EPHA3: variants seen among roughly 807,000 people sequenced by gnomAD.
EPHA3 encodes the protein EPH receptor A3, also known as ephrin type-A receptor 3.
EPHA3 carries 42 observed loss-of-function variants against 107.1 expected under a neutral mutation model. That is an observed-to-expected ratio of 0.39 (90% CI 0.31 to 0.51). The LOEUF is 0.51. Among genes scored for constraint, EPHA3 ranks in the 20% least tolerant of loss-of-function variants. The pLI, the probability that EPHA3 is intolerant of heterozygous loss-of-function variation, is 0.78. For missense variants in EPHA3, 1,183 were observed against 1,211.2 expected (o/e 0.98, Z 0.35); for synonymous variants, 461 against 424.8 (o/e 1.09, Z -1.05).
At position 89,265,341 on chromosome 3, in the gene EPHA3, C is replaced by T. The variant is rs116498711; in HGVS notation, c.814+54821C>T. 9.2e-3 allele frequency among the ~76,000 whole-genome samples: 1,405 copies of T among 152,208 alleles called. 24 individuals carry two copies. The highest frequency in any genetic ancestry group is 0.032 in the African/African-American group (1,344 of 41,536). On this transcript the variant is annotated intron_variant, in intron 3 of 16. Transcript: ENST00000336596. ...TTTGGGAAATGTCATATTCAATATCCTCCTTCAACAATTAATTTTCATGAA... is the reference window on the plus strand; with the variant it reads ...TTTGGGAAATGTCATATTCAATATCTTCCTTCAACAATTAATTTTCATGAA...
At chr3:89,211,190 A>G (rs978140699) in intron 3 of EPHA3, among the ~76,000 whole-genome samples, 2 of 152,124 alleles carry the variant, frequency 1.3e-5, no homozygotes, top group African/African-American at 4.8e-5. Flanking sequence ...CATATTTGAT[A>G]TTAATATAAT....
chr3:89,321,840 T>G (rs1016274668), intron 3 of EPHA3, among the ~76,000 whole-genome samples: 4 of 152,138 alleles, frequency 2.6e-5, no homozygotes, highest in African/African-American at 9.6e-5. Context: ...AGCATTAAGC[T>G]TCTTGATAAA....
In EPHA3 at chr3:89,379,924, T is replaced by C. The variant is rs141269829; in HGVS notation, c.1307-15913T>C. ...TTCTGTTATGGGAGGTCTGGGATTT[T>C]GCCCCCTTAAAGGAAGGGATCAACC... On this transcript the variant is annotated intron_variant, in intron 5 of 16. Coordinates refer to ENST00000336596, the MANE Select transcript of EPHA3 (RefSeq NM_005233.6). Among the ~76,000 whole-genome samples, 64 of 152,296 alleles carry C rather than the reference T, an allele frequency of 4.2e-4. 1 individual carries two copies. In the East Asian group the frequency reaches 0.012, roughly 28 times the overall value.
At position 89,450,220 on chromosome 3, in the gene EPHA3, T is replaced by G; in HGVS notation, c.2540T>G (p.Met847Arg). ...GAGGGCTATCGACTGCCACCCCCCA[T>G]GGACTGCCCAGCTGCCTTGTATCAG... ...VDEGYRLPPP[M>R]DCPAALYQLM... The change falls in exon 15 of 17, where the codon ATG becomes AGG. Residue 847 changes from methionine to arginine, a missense_variant. Transcript: ENST00000336596. The G allele has an allele frequency of 1.9e-6, 3 of 1,612,984 alleles. No individual in the cohort carries two copies. The highest frequency in any genetic ancestry group is 2.5e-6 in the Non-Finnish European group (3 of 1,179,506).
At chr3:89,475,969 G>C (rs1710496952) in intron 16 of EPHA3, among the ~76,000 whole-genome samples, 1 of 152,032 alleles carries the variant, frequency 6.6e-6, no homozygotes, top group South Asian at 2.1e-4. Context: ...CAAGAATAGA[G>C]AGACTAGAGG....
At chr3:89,338,771 T>A (rs1707451147) in intron 3 of EPHA3, among the ~76,000 whole-genome samples, 1 of 152,164 alleles carries the variant, frequency 6.6e-6, no homozygotes, top group African/African-American at 2.4e-5. Context: ...ATGGTCTCGA[T>A]CTCCTGACTT....
intron 3 of EPHA3, among the ~76,000 whole-genome samples, chr3:89,273,121 C>T (rs1294174475): frequency 1.3e-5 from 2 of 151,872 alleles, no homozygotes; most frequent in East Asian, 3.9e-4. Flanking sequence ...CGTTTGTATG[C>T]ATTGTGAGCC....
rs969866591 is a variant in EPHA3, at chr3:89,348,813, G to A, written c.1306+6723G>A. On this transcript the variant is annotated intron_variant, in intron 5 of 16. Coordinates refer to ENST00000336596, the MANE Select transcript of EPHA3 (RefSeq NM_005233.6). ...TGCATCCCAGAGATTCTGGTATGTCGTGTCTTTGTTCTTGTTGGTTTCAAA... is the reference window on the plus strand; with the variant it reads ...TGCATCCCAGAGATTCTGGTATGTCATGTCTTTGTTCTTGTTGGTTTCAAA... 6.4e-4 allele frequency among the ~76,000 whole-genome samples: 92 copies of A among 143,754 alleles called. 3 individuals carry two copies. Among genetic ancestry groups the A allele is most frequent in the African/African-American group, 1.9e-3 (70 of 37,308 alleles). The allele number at this position is 143,754 out of a possible 152,430, so 94.3% of individuals were successfully genotyped here. A position where few individuals can be genotyped will look rare whatever the true frequency, so the allele number is the denominator to read the frequency against.
intron 2 of EPHA3, among the ~76,000 whole-genome samples, chr3:89,158,902 G>GA (rs1202641330): frequency 6.6e-6 from 1 of 151,980 alleles, no homozygotes; most frequent in African/African-American, 2.4e-5. Context: ...TTTTGTTAAA[G>GA]AAAAAATTCC....
At chr3:89,363,191 T>C (rs1223716633) in intron 5 of EPHA3, among the ~76,000 whole-genome samples, 5 of 150,722 alleles carry the variant, frequency 3.3e-5, no homozygotes, top group African/African-American at 4.8e-5. Flanking sequence ...TATCTATCCA[T>C]TGAGAGAGAG....
chr3:89,352,902 C>CA (rs1215369952), intron 5 of EPHA3, among the ~76,000 whole-genome samples: 1,610 of 39,078 alleles, frequency 0.041, 36 homozygotes, highest in African/African-American at 0.054. Flanking sequence ...GACTCTGTCT[C>CA]AAAAAAAAAA....
At chr3:89,451,456 T>A (rs1222705272) in intron 15 of EPHA3, among the ~76,000 whole-genome samples, 1 of 152,210 alleles carries the variant, frequency 6.6e-6, no homozygotes, top group Non-Finnish European at 1.5e-5. Flanking sequence ...AAGGTTCTTT[T>A]ACATTTTGAT....
At chr3:89,210,570 T>A (rs749288779) in intron 3 of EPHA3, 50 bp downstream of exon 3, 42 of 1,490,908 alleles carry the variant, frequency 2.8e-5, no homozygotes, top group Non-Finnish European at 3.5e-5. Flanking sequence ...ACCTATGAGT[T>A]TATCATAGTG....
At chr3:89,237,531 T>C (rs576541568) in intron 3 of EPHA3, among the ~76,000 whole-genome samples, 1 of 152,356 alleles carries the variant, frequency 6.6e-6, no homozygotes, top group Admixed American at 6.5e-5. Context: ...TTTCATTTTT[T>C]CCTAAGAGTT....
At chr3:89,374,054 A>T (rs114032345) in intron 5 of EPHA3, among the ~76,000 whole-genome samples, 2,323 of 151,888 alleles carry the variant, frequency 0.015, 43 homozygotes, top group African/African-American at 0.053. Context: ...AATTTCAAAT[A>T]TGTACAATTA....
chr3:89,241,546 A>G (rs1214355693), intron 3 of EPHA3, among the ~76,000 whole-genome samples: 1 of 152,156 alleles, frequency 6.6e-6, no homozygotes, highest in Non-Finnish European at 1.5e-5. Context: ...ACCATTACTA[A>G]TACATAGCAT....
chr3:89,306,521 A>G (rs1348215656), intron 3 of EPHA3, among the ~76,000 whole-genome samples: 1 of 152,198 alleles, frequency 6.6e-6, no homozygotes, highest in Non-Finnish European at 1.5e-5. Flanking sequence ...TTTCTCTAAA[A>G]GTATTAAAAT....
chr3:89,133,625 G>A (rs1328979987), intron 2 of EPHA3, among the ~76,000 whole-genome samples: 2 of 152,178 alleles, frequency 1.3e-5, no homozygotes, highest in Non-Finnish European at 2.9e-5. Context: ...GCAAAACTAT[G>A]TAGCCCAATT....
At chr3:89,245,091 A>G (rs1362525406) in intron 3 of EPHA3, among the ~76,000 whole-genome samples, 1 of 152,204 alleles carries the variant, frequency 6.6e-6, no homozygotes, top group Non-Finnish European at 1.5e-5. Flanking sequence ...GTTTTGATTC[A>G]CTTTCATTTT....
Sources: gnomAD v4.1 joint callset for allele counts (sites outside exome capture counted in the v4.1 genomes callset) on GRCh38, gnomAD v4.1.1 for gene constraint, MANE v1.5 for transcripts, NCBI Gene and HGNC (gene_info 2026-07-23, HGNC 2026-07-21) for gene names.